The following GRIP1 variants were observed in gnomAD, a reference collection of about 807,000 sequenced individuals.
GRIP1 encodes the protein glutamate receptor-interacting protein 1.
In GRIP1, 45 loss-of-function variants were observed where a neutral mutation model predicts 129.9. The ratio of observed to expected loss-of-function variants is 0.35; its 90% CI spans 0.27 to 0.44. GRIP1 has a LOEUF of 0.44. Ranked by LOEUF, GRIP1 falls within the 20% of genes least tolerant of loss-of-function variation. GRIP1 has a pLI of 1.00. For synonymous variants in GRIP1, 530 were observed against 520.8 expected, an observed-to-expected ratio of 1.02 and a Z score of -0.24; for missense variants, 1,196 against 1,396.8, an observed-to-expected ratio of 0.86 and a Z score of 2.29.
chr12:66,889,393 A>G (rs1231033192), intron 1 of GRIP1, among the ~76,000 whole-genome samples: 1 of 152,162 alleles, frequency 6.6e-6, no homozygotes, highest in Non-Finnish European at 1.5e-5. Flanking sequence ...CCTGGGAGGC[A>G]GAGGTTGCCA....
intron 15 of GRIP1, among the ~76,000 whole-genome samples, chr12:66,413,177 CACTT>C (rs1457787169): frequency 6.6e-6 from 1 of 152,196 alleles, no homozygotes; most frequent in Non-Finnish European, 1.5e-5. Context: ...TGCCACATGA[CACTT>C]ACTCTAAAAT....
Position 66,529,908 on chromosome 12 carries a change from T to A in GRIP1, c.425A>T (p.Gln142Leu). ...TGTTCGGAAAATAACACTTGATCCTTGCACAGCTGAATAAAGGAAAGAGAG... is the reference window on the plus strand; with the variant it reads ...TGTTCGGAAAATAACACTTGATCCTAGCACAGCTGAATAAAGGAAAGAGAG... ...VEYELPPVSV[Q>L]GSSVIFRTVE... The change falls in exon 5 of 25, where the codon CAA becomes CTA. Residue 142 changes from glutamine to leucine, a missense_variant. By Grantham distance (113) the Gln-to-Leu change is moderately radical. Coordinates refer to ENST00000359742, the MANE Select transcript of GRIP1 (RefSeq NM_001366722.1). The A allele has an allele frequency of 6.4e-7, 1 of 1,572,290 alleles. No individual in the cohort carries two copies. Among genetic ancestry groups the A allele is most frequent in the Non-Finnish European group, 8.8e-7 (1 of 1,141,756 alleles).
At chr12:66,576,393 T>C (rs2063140422) in intron 2 of GRIP1, among the ~76,000 whole-genome samples, 1 of 152,214 alleles carries the variant, frequency 6.6e-6, no homozygotes. Flanking sequence ...TTAACACTAT[T>C]TGATGCTTAT....
intron 1 of GRIP1, among the ~76,000 whole-genome samples, chr12:66,735,865 C>T (rs2036579093): frequency 1.3e-5 from 2 of 152,140 alleles, no homozygotes; most frequent in African/African-American, 2.4e-5. Context: ...AGACAATATG[C>T]CTCAGCATTA....
At chr12:66,640,285 C>G (rs1016075365) in intron 1 of GRIP1, among the ~76,000 whole-genome samples, 25 of 152,198 alleles carry the variant, frequency 1.6e-4, no homozygotes, top group Admixed American at 1.6e-3. Flanking sequence ...GACTCTATCC[C>G]TCTAATTCCA....
chr12:66,471,402 T>C (rs2059435208), intron 7 of GRIP1, among the ~76,000 whole-genome samples: 1 of 152,190 alleles, frequency 6.6e-6, no homozygotes, highest in African/African-American at 2.4e-5. Flanking sequence ...GAAAAATGAC[T>C]GCTTAATGGA....
intron 6 of GRIP1, among the ~76,000 whole-genome samples, chr12:66,516,778 C>T (rs556246914): frequency 3.9e-5 from 6 of 152,238 alleles, no homozygotes; most frequent in African/African-American, 7.2e-5. Context: ...AGCAAATATA[C>T]GTCAGCAAAA....
intron 1 of GRIP1, among the ~76,000 whole-genome samples, chr12:66,913,207 C>T (rs2041061876): frequency 6.6e-6 from 1 of 152,216 alleles, no homozygotes; most frequent in African/African-American, 2.4e-5. Context: ...TATTTCTTTA[C>T]TCCAAAACTT....
At position 66,379,283 on chromosome 12, in the gene GRIP1, C is replaced by A. The variant is rs535048312; in HGVS notation, c.2618G>T (p.Ser873Ile). Residue 873 changes from serine to isoleucine, a missense_variant, in exon 20 of 25, where the codon AGT becomes ATT. By Grantham distance (142) the Ser-to-Ile change is moderately radical. Coordinates refer to ENST00000359742, the MANE Select transcript of GRIP1 (RefSeq NM_001366722.1). ...SYEDWDRSTASGFAGAADSAE... is the reference protein window; with the variant it reads ...SYEDWDRSTAIGFAGAADSAE... ...CAGCATTGGTTGAAAACCTTACCCACTGGCTGTGGACCGGTCCCAGTCTTC... is the reference window on the plus strand; with the variant it reads ...CAGCATTGGTTGAAAACCTTACCCAATGGCTGTGGACCGGTCCCAGTCTTC... The A allele has an allele frequency of 1.3e-5, 21 of 1,613,694 alleles. No individual in the cohort carries two copies. The highest frequency in any genetic ancestry group is 1.8e-5 in the Non-Finnish European group (21 of 1,179,854).
At chr12:66,909,164 G>A (rs1251066949) in intron 1 of GRIP1, among the ~76,000 whole-genome samples, 1 of 151,852 alleles carries the variant, frequency 6.6e-6, no homozygotes, top group East Asian at 1.9e-4. Flanking sequence ...TATCATTCAT[G>A]TCTTTGTTTT....
intron 1 of GRIP1, among the ~76,000 whole-genome samples, chr12:66,602,227 T>C (rs1021787780): frequency 2.6e-5 from 4 of 152,164 alleles, no homozygotes; most frequent in Non-Finnish European, 5.9e-5. Flanking sequence ...TTCTCTCCCA[T>C]AGACACCAGC....
chr12:67,034,044 C>T (rs575968642), intron 1 of GRIP1, among the ~76,000 whole-genome samples: 1 of 152,164 alleles, frequency 6.6e-6, no homozygotes, highest in South Asian at 2.1e-4. Flanking sequence ...ATTGTAAGAC[C>T]CCTCTCAGTA....
intron 7 of GRIP1, among the ~76,000 whole-genome samples, chr12:66,488,357 C>A (rs1024751194): frequency 6.6e-6 from 1 of 152,144 alleles, no homozygotes; most frequent in African/African-American, 2.4e-5. Context: ...AATTTAACAA[C>A]CTGCTCCTGA....
chr12:66,962,024 A>G (rs2137536872), intron 1 of GRIP1, among the ~76,000 whole-genome samples: 1 of 152,292 alleles, frequency 6.6e-6, no homozygotes, highest in South Asian at 2.1e-4. Flanking sequence ...TAAATAGGCC[A>G]GTTTTGCCTG....
intron 1 of GRIP1, among the ~76,000 whole-genome samples, chr12:66,815,637 G>A (rs756991418): frequency 6.6e-5 from 10 of 151,958 alleles, no homozygotes; most frequent in African/African-American, 1.2e-4. Flanking sequence ...TGTGGCACAC[G>A]CCTGTGGTTC....
intron 1 of GRIP1, among the ~76,000 whole-genome samples, chr12:66,900,827 A>G (rs1658066708): frequency 6.6e-6 from 1 of 152,354 alleles, no homozygotes; most frequent in Admixed American, 6.5e-5. Context: ...CACATTGCCA[A>G]CTGGAAAAAC....
chr12:66,707,503 T>TA (rs58564255), intron 1 of GRIP1, among the ~76,000 whole-genome samples: 20,687 of 63,770 alleles, frequency 0.32, 2,352 homozygotes, highest in Non-Finnish European at 0.38. Context: ...AATCACTGAC[T>TA]AAAAAAAAAA....
intron 2 of GRIP1, among the ~76,000 whole-genome samples, chr12:66,559,514 T>C (rs750919100): frequency 3.9e-5 from 6 of 152,092 alleles, no homozygotes; most frequent in Non-Finnish European, 5.9e-5. Flanking sequence ...AAAAAATCAG[T>C]GGCATATCTA....
chr12:66,667,868 T>C (rs2033880486), intron 1 of GRIP1, among the ~76,000 whole-genome samples: 1 of 152,222 alleles, frequency 6.6e-6, no homozygotes, highest in Admixed American at 6.5e-5. Context: ...TTCCTCTGCC[T>C]GATTTCCAAA....
Sources: allele counts gnomAD v4.1 joint callset (sites outside exome capture counted in the v4.1 genomes callset), GRCh38; gene constraint gnomAD v4.1.1; transcripts MANE v1.5; gene names NCBI Gene and HGNC (gene_info 2026-07-23, HGNC 2026-07-21).